Variants in RBMS1 observed in about 807,000 individuals in gnomAD.
RBMS1 encodes the protein RNA-binding motif, single-stranded-interacting protein 1.
In RBMS1, 17 loss-of-function variants were observed where a neutral mutation model predicts 62.3. That is an observed-to-expected ratio of 0.27 (90% CI 0.19 to 0.41). The LOEUF is 0.41. RBMS1 is among the 10% of genes least tolerant of loss of function. The pLI, the probability that RBMS1 is intolerant of heterozygous loss-of-function variation, is 1.00. For synonymous variants in RBMS1, 172 were observed against 170.0 expected (o/e 1.01, Z -0.09); for missense variants, 334 against 504.5 (o/e 0.66, Z 3.24).
At chr2:160,348,324 GAC>G in intron 2 of RBMS1, among the ~76,000 whole-genome samples, 1 of 152,122 alleles carries the variant, frequency 6.6e-6, no homozygotes, top group African/African-American at 2.4e-5. Context: ...GAATAAAAAT[GAC>G]ATTTACCCAT....
At chr2:160,424,930 AT>A (rs1330407762) in intron 1 of RBMS1, among the ~76,000 whole-genome samples, 2 of 152,326 alleles carry the variant, frequency 1.3e-5, no homozygotes, top group Non-Finnish European at 2.9e-5. Context: ...TGCCTTAAAA[AT>A]AATCAGGAAT....
chr2:160,461,092 T>G (rs1355458015), intron 1 of RBMS1, among the ~76,000 whole-genome samples: 3 of 152,058 alleles, frequency 2.0e-5, no homozygotes, highest in Non-Finnish European at 4.4e-5. Flanking sequence ...ACCCCATCTC[T>G]TAAAAAAATT....
chr2:160,315,944 CA>C (rs1357377082), intron 3 of RBMS1, among the ~76,000 whole-genome samples: 1 of 152,036 alleles, frequency 6.6e-6, no homozygotes, highest in Non-Finnish European at 1.5e-5. Flanking sequence ...TGTTTTGTGG[CA>C]AAAAATGTTC....
chr2:160,417,324 ATTAC>A (rs1250285238), intron 1 of RBMS1, among the ~76,000 whole-genome samples: 1 of 152,252 alleles, frequency 6.6e-6, no homozygotes, highest in African/African-American at 2.4e-5. Context: ...TAATCTTTAG[ATTAC>A]TTAAGATCAT....
At chr2:160,300,923 T>C (rs1454381756) in intron 5 of RBMS1, among the ~76,000 whole-genome samples, 193 bp from the exon 6 acceptor site, 1 of 152,242 alleles carries the variant, frequency 6.6e-6, no homozygotes, top group African/African-American at 2.4e-5. Flanking sequence ...AAATGACAAC[T>C]GATAACAATA....
chr2:160,297,880 G>T (rs553339729), intron 6 of RBMS1, among the ~76,000 whole-genome samples: 1 of 152,310 alleles, frequency 6.6e-6, no homozygotes, highest in African/African-American at 2.4e-5. Context: ...GTAGGCAAGG[G>T]CTCCTGTCAC....
intron 1 of RBMS1, among the ~76,000 whole-genome samples, chr2:160,466,129 T>A (rs1187944814): frequency 6.6e-6 from 1 of 152,192 alleles, no homozygotes; most frequent in Non-Finnish European, 1.5e-5. Context: ...CAATCATACC[T>A]ATAAAAACCA....
chr2:160,385,268 C>T (rs752097865), intron 1 of RBMS1, among the ~76,000 whole-genome samples: 10 of 152,160 alleles, frequency 6.6e-5, no homozygotes, highest in Non-Finnish European at 1.3e-4. Context: ...CACACATGAC[C>T]AGTTCTAACC....
intron 2 of RBMS1, among the ~76,000 whole-genome samples, chr2:160,332,016 GTCTT>G (rs1052871551): frequency 4.6e-5 from 7 of 152,174 alleles, no homozygotes; most frequent in Non-Finnish European, 7.4e-5. Flanking sequence ...TAGTGAAATG[GTCTT>G]TCTTTTTAAG....
Position 160,313,479 on chromosome 2 carries a change from C to T in RBMS1, c.311-232G>A, listed in dbSNP as rs1163154812. On this transcript the variant is annotated intron_variant, in intron 3 of 13. Coordinates refer to ENST00000348849, the MANE Select transcript of RBMS1 (RefSeq NM_016836.4). ...GGGAGTTGGGGGAGTAAAGAACCAG[C>T]GTTTCCCTATTCAAGATCTTACGTG... is the stretch of plus-strand genomic sequence containing the variant. Among the ~76,000 whole-genome samples the T allele has an allele frequency of 4.2e-4, 64 of 151,662 alleles. 2 individuals carry two copies. Among genetic ancestry groups the T allele is most frequent in the Admixed American group, 4.1e-3 (62 of 15,220 alleles).
At chr2:160,484,086 C>T (rs184369955) in intron 1 of RBMS1, among the ~76,000 whole-genome samples, 20 of 151,994 alleles carry the variant, frequency 1.3e-4, no homozygotes, top group African/African-American at 4.3e-4. Flanking sequence ...CAATCCTCCC[C>T]CATCGGCCTC....
chr2:160,342,769 CAAA>C (rs550170417), intron 2 of RBMS1, among the ~76,000 whole-genome samples: 88 of 117,306 alleles, frequency 7.5e-4, no homozygotes, highest in East Asian at 1.2e-3. Flanking sequence ...ATACAAAATA[CAAA>C]AAAAAAAAAA....
At chr2:160,281,444 T>C (rs547189887) in intron 9 of RBMS1, 80 bp from the exon 10 acceptor site, 1 of 1,160,644 alleles carries the variant, frequency 8.6e-7, no homozygotes, top group Non-Finnish European at 1.3e-6. Flanking sequence ...TTTTTAATCA[T>C]GTTAAAAATC....
intron 1 of RBMS1, among the ~76,000 whole-genome samples, chr2:160,368,330 T>A (rs564781804): frequency 1.3e-5 from 2 of 152,208 alleles, no homozygotes; most frequent in Non-Finnish European, 2.9e-5. Context: ...TATACTGTAC[T>A]AACTCAAGGA....
intron 4 of RBMS1, among the ~76,000 whole-genome samples, chr2:160,312,781 CTA>C (rs1200737179): frequency 2.0e-5 from 3 of 150,392 alleles, no homozygotes; most frequent in African/African-American, 7.3e-5. Context: ...TGAAACATGT[CTA>C]GAAGTGTATT....
chr2:160,364,404 T>C (rs1444109402), intron 2 of RBMS1, among the ~76,000 whole-genome samples: 1 of 152,220 alleles, frequency 6.6e-6, no homozygotes, highest in Non-Finnish European at 1.5e-5. Flanking sequence ...CTAGGAAATT[T>C]ATCTCTTTTC....
chr2:160,357,020 A>G (rs1290706053), intron 2 of RBMS1, among the ~76,000 whole-genome samples: 1 of 152,160 alleles, frequency 6.6e-6, no homozygotes, highest in Non-Finnish European at 1.5e-5. Flanking sequence ...CAGTAACTCA[A>G]TAAGGAAATT....
intron 1 of RBMS1, among the ~76,000 whole-genome samples, chr2:160,471,717 A>ATATATATATATAT (rs1422014155): frequency 3.2e-4 from 17 of 53,940 alleles, no homozygotes; most frequent in Non-Finnish European, 5.0e-4. Flanking sequence ...ATATATATAT[A>ATATATATATATAT]ACCTTTCATA....
chr2:160,438,697 CTT>C (rs1407297073), intron 1 of RBMS1, among the ~76,000 whole-genome samples: 1 of 152,256 alleles, frequency 6.6e-6, no homozygotes, highest in Non-Finnish European at 1.5e-5. Flanking sequence ...ATTTCTCAGT[CTT>C]TTCCCCACCT....
Sources: gnomAD v4.1 joint callset for allele counts (sites outside exome capture counted in the v4.1 genomes callset) on GRCh38, gnomAD v4.1.1 for gene constraint, MANE v1.5 for transcripts, NCBI Gene and HGNC (gene_info 2026-07-23, HGNC 2026-07-21) for gene names.